The following LONRF1 variants were observed in gnomAD, a reference collection of about 807,000 sequenced individuals.
The protein encoded by LONRF1 is LON peptidase N-terminal domain and ring finger 1.
LONRF1 carries 37 observed loss-of-function variants against 85.8 expected under a neutral mutation model. That is an observed-to-expected ratio of 0.43 (90% CI 0.33 to 0.57). The LOEUF is 0.57. Among genes scored for constraint, LONRF1 ranks in the 20% least tolerant of loss-of-function variants. LONRF1 has a pLI of 0.04. For missense variants in LONRF1, 1,036 were observed against 978.0 expected (o/e 1.06, Z -0.79); for synonymous variants, 517 against 390.1 (o/e 1.33, Z -3.83).
chr8:12,740,528 T>A (rs1677050324), intron 3 of LONRF1, among the ~76,000 whole-genome samples: 1 of 152,184 alleles, frequency 6.6e-6, no homozygotes, highest in Non-Finnish European at 1.5e-5. Flanking sequence ...AAGCAAAGGT[T>A]AGACCTGAAG....
chr8:12,754,774 C>G lies in LONRF1; in HGVS notation c.647G>C (p.Gly216Ala). 1 of 1,472,584 alleles carries G rather than the reference C, an allele frequency of 6.8e-7. No homozygotes were observed. Among genetic ancestry groups the G allele is most frequent in the Non-Finnish European group, 8.9e-7 (1 of 1,120,318 alleles). 91.2% of individuals were successfully genotyped at this position (1,472,584 alleles called of 1,614,324 possible). A position where few individuals can be genotyped will look rare whatever the true frequency, so the allele number is the denominator to read the frequency against. Residue 216 changes from glycine (G) to alanine (A), a missense_variant, in exon 1 of 12, where the codon GGC (glycine) becomes GCC (alanine). Gly to Ala is a moderately conservative substitution (Grantham distance 60, BLOSUM62 0). Coordinates refer to ENST00000398246, the MANE Select transcript of LONRF1 (RefSeq NM_152271.5). ...PGQRERARAAGRLGELLHQGR... is the reference protein window; with the variant it reads ...PGQRERARAAARLGELLHQGR... Reference sequence around the variant, plus strand: ...CTGGTGCAGTAGCTCCCCGAGCCTGCCGGCCGCCCGGGCCCGCTCGCGCTG... The same window carrying G: ...CTGGTGCAGTAGCTCCCCGAGCCTGGCGGCCGCCCGGGCCCGCTCGCGCTG...
chr8:12,754,770 C>G lies in LONRF1; in HGVS notation c.651G>C (p.Arg217Ser), dbSNP rs979401569. ...GCCCCTGGTGCAGTAGCTCCCCGAG[C>G]CTGCCGGCCGCCCGGGCCCGCTCGC... ...GQRERARAAG[R>S]LGELLHQGRY... Residue 217 changes from arginine (R) to serine (S), a missense_variant, in exon 1 of 12, where the codon AGG becomes AGC. Physicochemically the swap from Arg to Ser is moderately radical, Grantham distance 110. This residue lies in a region of LONRF1 where 742 missense variants were observed against 614.4 expected (regional missense o/e 1.21). Coordinates refer to ENST00000398246, the MANE Select transcript of LONRF1 (RefSeq NM_152271.5). 7.1e-5 allele frequency: 105 copies of G among 1,471,688 alleles called. No homozygotes were observed. Among genetic ancestry groups the G allele is most frequent in the Non-Finnish European group, 8.8e-5 (99 of 1,119,976 alleles). The allele number at this position is 1,471,688 out of a possible 1,614,324, so 91.2% of individuals were successfully genotyped here. A position where few individuals can be genotyped will look rare whatever the true frequency, so the allele number is the denominator to read the frequency against.
intron 1 of LONRF1, among the ~76,000 whole-genome samples, chr8:12,752,304 A>G (rs1046307544): frequency 6.6e-6 from 1 of 152,250 alleles, no homozygotes; most frequent in Non-Finnish European, 1.5e-5. Flanking sequence ...TGACTGTACT[A>G]GTTAACATTT....
chr8:12,744,793 A>G (rs1799079082), intron 1 of LONRF1, among the ~76,000 whole-genome samples: 1 of 152,170 alleles, frequency 6.6e-6, no homozygotes. Context: ...GGTGCTTCCA[A>G]TAGCATCCTT....
chr8:12,724,094 T>C (rs553536784), intron 11 of LONRF1, among the ~76,000 whole-genome samples: 4 of 152,324 alleles, frequency 2.6e-5, no homozygotes, highest in Admixed American at 6.5e-5. Context: ...ATTCGGTTTC[T>C]ATATTTGTGT....
chr8:12,737,615 A>G (rs189022977), intron 4 of LONRF1, among the ~76,000 whole-genome samples: 2 of 152,036 alleles, frequency 1.3e-5, no homozygotes, highest in Non-Finnish European at 2.9e-5. Context: ...CCTGGAACCA[A>G]TCTCCCACAG....
intron 1 of LONRF1, among the ~76,000 whole-genome samples, chr8:12,749,596 T>C (rs1462584384): frequency 6.6e-6 from 1 of 152,184 alleles, no homozygotes; most frequent in Non-Finnish European, 1.5e-5. Flanking sequence ...TCTAAGATAA[T>C]TCAGTTTTGG....
At chr8:12,730,677 C>G (rs1426601590) in intron 8 of LONRF1, among the ~76,000 whole-genome samples, 1 of 152,152 alleles carries the variant, frequency 6.6e-6, no homozygotes, top group Non-Finnish European at 1.5e-5. Context: ...CAGCACTGAT[C>G]AGAAAGGTTC....
rs1585225680 is a variant in LONRF1, at chr8:12,729,501, C to T, written c.1689-169G>A. On this transcript the variant is annotated intron_variant, in intron 8 of 11. Coordinates refer to ENST00000398246, the MANE Select transcript of LONRF1 (RefSeq NM_152271.5). ...TTGGCAAGAACAAGAATCAGCACCC[C>T]GTTCACTAAGCTCACACTGATGAAA... is the stretch of plus-strand genomic sequence containing the variant. The T allele has an allele frequency of 1.2e-5, 7 of 608,320 alleles. No individual in the cohort carries two copies. In the East Asian group the frequency reaches 1.2e-4, roughly 10 times the overall value. The allele number at this position is 608,320 out of a possible 1,614,324, so 37.7% of individuals were successfully genotyped here.
chr8:12,746,144 C>T (rs1465318014), intron 1 of LONRF1, among the ~76,000 whole-genome samples: 1 of 152,108 alleles, frequency 6.6e-6, no homozygotes, highest in African/African-American at 2.4e-5. Context: ...TCTAGTAATC[C>T]TGGGTTAGGC....
chr8:12,755,237 C>A lies in LONRF1; in HGVS notation c.184G>T (p.Gly62Cys). ...LRRGELLALGGHLKGALEAFA... is the reference protein window; with the variant it reads ...LRRGELLALGCHLKGALEAFA... ...GCCTCCAGCGCGCCCTTCAGGTGGCCGCCCAGCGCCAGCAGCTCCCCGCGG... is the reference window on the plus strand; with the variant it reads ...GCCTCCAGCGCGCCCTTCAGGTGGCAGCCCAGCGCCAGCAGCTCCCCGCGG... The change falls in exon 1 of 12, where the codon GGC (glycine) becomes TGC (cysteine). Residue 62 changes from glycine (G) to cysteine (C), a missense_variant. Around this residue, in one of 3 missense-constraint regions of LONRF1, gnomAD observed 742 missense variants for 614.4 expected, o/e 1.21. Transcript: ENST00000398246. 1 of 1,237,800 alleles carries A rather than the reference C, an allele frequency of 8.1e-7. No individual in the cohort carries two copies. The highest frequency in any genetic ancestry group is 1.0e-6 in the Non-Finnish European group (1 of 993,246). The allele number at this position is 1,237,800 out of a possible 1,614,324, so 76.7% of individuals were successfully genotyped here. A position where few individuals can be genotyped will look rare whatever the true frequency, so the allele number is the denominator to read the frequency against.
At chr8:12,751,582 G>C (rs1799406717) in intron 1 of LONRF1, among the ~76,000 whole-genome samples, 1 of 151,498 alleles carries the variant, frequency 6.6e-6, no homozygotes, top group Admixed American at 6.6e-5. Flanking sequence ...TGGGATTACA[G>C]GTTTGAGCCA....
chr8:12,727,384 A>C (rs1232989561), intron 10 of LONRF1: 1 of 151,452 alleles, frequency 6.6e-6, no homozygotes, highest in Non-Finnish European at 1.5e-5. Context: ...GTCACAGAAA[A>C]CAGAATTATT....
chr8:12,725,927 A>G (rs1283994976), intron 10 of LONRF1, 48 bp from the exon 11 acceptor site: 13 of 1,535,786 alleles, frequency 8.5e-6, no homozygotes, highest in Admixed American at 5.4e-5. Context: ...TCCCCCGTCC[A>G]TATGCCATAT....
chr8:12,729,329 C>A lies in LONRF1; in HGVS notation c.1692G>T (p.Leu564Phe). The stretch of plus-strand genomic sequence containing the variant: ...AAACAAATATTGGAACATTCTTGGT[C>A]AAGCTAAGGGAAAAACAGTTTAATT... ...YDEETAELSH[L>F]TKNVPIFVCT... Residue 564 changes from leucine (L) to phenylalanine (F), a missense_variant, in exon 9 of 12, where the codon TTG becomes TTT. By Grantham distance (22) the Leu-to-Phe change is conservative. Around this residue, in one of 3 missense-constraint regions of LONRF1, gnomAD observed 265 missense variants for 301.5 expected, o/e 0.88. Coordinates refer to ENST00000398246, the MANE Select transcript of LONRF1 (RefSeq NM_152271.5). 2 of 1,612,744 alleles carry A rather than the reference C, an allele frequency of 1.2e-6. No homozygotes were observed. Among genetic ancestry groups the A allele is most frequent in the South Asian group, 2.2e-5 (2 of 90,704 alleles).
intron 1 of LONRF1, among the ~76,000 whole-genome samples, chr8:12,747,742 AC>A (rs1799219469): frequency 8.4e-6 from 1 of 118,486 alleles, no homozygotes; most frequent in Non-Finnish European, 1.8e-5. Flanking sequence ...ACTCAGGTTG[AC>A]TGAAATCTCT....
In LONRF1 at chr8:12,723,028, G is replaced by T; in HGVS notation, c.*68C>A. ...TGAAACCAGCACTAGATGTGCAAAG[G>T]CAGCAGACAATCTGGCCATCAATGC... On this transcript the variant is annotated 3_prime_UTR_variant, in exon 12 of 12. Coordinates refer to ENST00000398246, the MANE Select transcript of LONRF1 (RefSeq NM_152271.5). The T allele has an allele frequency of 7.1e-7, 1 of 1,400,690 alleles. No homozygotes were observed. The highest frequency in any genetic ancestry group is 9.6e-7 in the Non-Finnish European group (1 of 1,037,876). The allele number at this position is 1,400,690 out of a possible 1,614,324, so 86.8% of individuals were successfully genotyped here.
At position 12,723,319 on chromosome 8, in the gene LONRF1, C is replaced by T. The variant is rs576432065; in HGVS notation, c.2164-65G>A. The T allele has an allele frequency of 1.2e-4, 175 of 1,475,870 alleles. No homozygotes were observed. The African/African-American group carries it at 2.0e-3, about 17-fold the overall frequency. The allele number at this position is 1,475,870 out of a possible 1,614,324, so 91.4% of individuals were successfully genotyped here. On this transcript the variant is annotated intron_variant, in intron 11 of 11. Transcript: ENST00000398246. Reference sequence around the variant, plus strand: ...GATTTATGTAACAACAGTAGCAAACCACCAAAAAATTACTATTTATTGAGC... The same window carrying T: ...GATTTATGTAACAACAGTAGCAAACTACCAAAAAATTACTATTTATTGAGC...
chr8:12,748,183 GA>G (rs1799240082), intron 1 of LONRF1, among the ~76,000 whole-genome samples: 1 of 152,062 alleles, frequency 6.6e-6, no homozygotes, highest in Non-Finnish European at 1.5e-5. Context: ...ACAGTATGTA[GA>G]AAGTTATTTA....
Sources: allele counts gnomAD v4.1 joint callset (sites outside exome capture counted in the v4.1 genomes callset), GRCh38; gene constraint gnomAD v4.1.1; regional missense constraint gnomAD v4.1.1; transcripts MANE v1.5; gene names NCBI Gene and HGNC (gene_info 2026-07-23, HGNC 2026-07-21).